Variants in FCHO1 observed in about 807,000 individuals in gnomAD.
FCHO1 encodes the protein FCH and mu domain containing endocytic adaptor 1.
Under a neutral mutation model 114.4 loss-of-function variants are expected in FCHO1, and 45 were observed. That is an observed-to-expected ratio of 0.39 (90% CI 0.31 to 0.50). FCHO1 has a LOEUF of 0.50. Among genes scored for constraint, FCHO1 ranks in the 20% least tolerant of loss-of-function variants. The probability of loss-of-function intolerance (pLI) is 0.77; values close to 1 mark genes in which losing one functional copy is unlikely to be tolerated. For synonymous variants in FCHO1, 480 were observed against 488.9 expected (o/e 0.98, Z 0.24); for missense variants, 1,042 against 1,209.6 (o/e 0.86, Z 2.06).
At chr19:17,778,389 A>G in intron 19 of FCHO1, 161 bp downstream of exon 19, 2 of 750,694 alleles carry the variant, frequency 2.7e-6, no homozygotes, top group Non-Finnish European at 4.4e-6. Flanking sequence ...GAGGGGCCAT[A>G]GATAGGGTGG....
chr19:17,754,270 GGGCTCCCC>G (rs1353354223), intron 1 of FCHO1, 39 bp from the exon 2 acceptor site: 4 of 152,314 alleles, frequency 2.6e-5, no homozygotes, highest in African/African-American at 9.7e-5. Context: ...GAGACACCTG[GGGCTCCCC>G]GGCAAGATCC....
intron 4 of FCHO1, 198 bp from the exon 5 acceptor site, chr19:17,762,564 T>C (rs944745658): frequency 1.7e-6 from 1 of 575,486 alleles, no homozygotes; most frequent in Admixed American, 2.9e-5. Context: ...AATCCCAGGC[T>C]TCTCTCTGAT....
intron 26 of FCHO1, 97 bp from the exon 27 acceptor site, chr19:17,786,477 T>G: frequency 2.4e-6 from 3 of 1,229,036 alleles, no homozygotes; most frequent in Non-Finnish European, 2.3e-6. Flanking sequence ...GGGAGAAGGT[T>G]TGTTGGGGTC....
rs192038426 is a variant in FCHO1, at chr19:17,788,340, C to T, written c.*34C>T. 162 of 1,585,520 alleles carry T rather than the reference C, an allele frequency of 1.0e-4. No homozygotes were observed. In the East Asian group the frequency reaches 2.4e-3, roughly 24 times the overall value. ...ATGCTGCTGCCCCAGCTCTACACTG[C>T]GCCCTGGTGCTGGCTGACCACCCCC... On this transcript the variant is annotated 3_prime_UTR_variant, in exon 29 of 29. Transcript: ENST00000596536.
intron 26 of FCHO1, 39 bp from the exon 27 acceptor site, chr19:17,786,533 CCT>C: frequency 1.2e-6 from 2 of 1,607,482 alleles, no homozygotes; most frequent in Non-Finnish European, 1.7e-6. Flanking sequence ...CTCTCAGCAT[CCT>C]CTCTGGGGAA....
rs147597811 is a variant in FCHO1, at chr19:17,764,457, G to T, written c.194+8G>T. On this transcript the variant is annotated splice_region_variant and intron_variant, in intron 6 of 28. Coordinates refer to ENST00000596536, the MANE Select transcript of FCHO1 (RefSeq NM_015122.3). ...CAACGGGACCCCCATGGGGTGAGTG[G>T]GGTAGGGGTCACCAACATGGGGACA... 1,085 of 1,602,738 alleles carry T rather than the reference G, an allele frequency of 6.8e-4. 6 individuals carry two copies. In the African/African-American group the frequency reaches 0.01, roughly 15 times the overall value.
At chr19:17,755,615 G>C (rs2083208893) in intron 4 of FCHO1, 1 of 162,144 alleles carries the variant, frequency 6.2e-6, no homozygotes, top group South Asian at 1.7e-4. Context: ...CCCCTCCACT[G>C]TCCAGGCTGG....
rs2092683053 is a variant in FCHO1, at chr19:17,776,757, T to G, written c.1259+71T>G. ...CCCTCCACCTCCCCATGTCTCCGCC[T>G]GGTGTTCTCTTGTCCCGGCTGGGAG... On this transcript the variant is annotated intron_variant, in intron 18 of 28. Coordinates refer to ENST00000596536, the MANE Select transcript of FCHO1 (RefSeq NM_015122.3). This position sits in a 1 kb window ranked among gnomAD's most constrained non-coding sequence, Gnocchi z 4.4. The G allele has an allele frequency of 1.9e-5, 26 of 1,396,806 alleles. No individual in the cohort carries two copies. The highest frequency in any genetic ancestry group is 2.6e-5 in the Non-Finnish European group (26 of 994,532). 86.5% of individuals were successfully genotyped at this position (1,396,806 alleles called of 1,614,324 possible). A position where few individuals can be genotyped will look rare whatever the true frequency, so the allele number is the denominator to read the frequency against.
At chr19:17,774,977 A>G in intron 13 of FCHO1, 79 bp from the exon 14 acceptor site, 1 of 1,517,778 alleles carries the variant, frequency 6.6e-7, no homozygotes. Context: ...CCCAGCTTCC[A>G]TGTCCAGTGT....
In FCHO1 at chr19:17,784,265, G is replaced by C. The variant is rs773229519; in HGVS notation, c.2226+30G>C. 18 of 1,570,100 alleles carry C rather than the reference G, an allele frequency of 1.1e-5. No homozygotes were observed. The highest frequency in any genetic ancestry group is 2.4e-5 in the East Asian group (1 of 42,224). ...GCCACCCGCATGGGGCCGGGAGGAGGTGGTGGAGTGGGGGACACGGTGAGC... is the reference window on the plus strand; with the variant it reads ...GCCACCCGCATGGGGCCGGGAGGAGCTGGTGGAGTGGGGGACACGGTGAGC... On this transcript the variant is annotated intron_variant, in intron 25 of 28. Transcript: ENST00000596536. The surrounding 1 kb of genome is among the most constrained non-coding windows in gnomAD (Gnocchi z 5.3).
intron 4 of FCHO1, among the ~76,000 whole-genome samples, chr19:17,760,938 C>T (rs537344837): frequency 1.1e-4 from 17 of 152,186 alleles, no homozygotes; most frequent in Admixed American, 2.0e-4. Flanking sequence ...GGTGAGCCAC[C>T]GCGCCTAACC....
chr19:17,769,425 G>A (rs59794054), intron 7 of FCHO1, among the ~76,000 whole-genome samples: 67,464 of 150,430 alleles, frequency 0.45, 15,937 homozygotes, highest in East Asian at 0.7. Context: ...AAATACAAAA[G>A]AAAAATTAGC....
chr19:17,776,084 C>T lies in FCHO1; in HGVS notation c.1105C>T (p.Pro369Ser), dbSNP rs757826850. ...CATCAAGCCTGCCCCGGCCCGGGCT[C>T]CAGCCTGCAGCCCCGAGGCAGCAGC... is the stretch of plus-strand genomic sequence containing the variant. ...VHIKPAPARA[P>S]ACSPEAAAAQ... The change falls in exon 16 of 29, where the codon CCA (proline) becomes TCA (serine). Residue 369 changes from proline to serine, a missense_variant. Transcript: ENST00000596536. This position sits in a 1 kb window ranked among gnomAD's most constrained non-coding sequence, Gnocchi z 4.4. 1 of 1,612,200 alleles carries T rather than the reference C, an allele frequency of 6.2e-7. No individual in the cohort carries two copies. Among genetic ancestry groups the T allele is most frequent in the South Asian group, 1.1e-5 (1 of 91,076 alleles).
intron 4 of FCHO1, among the ~76,000 whole-genome samples, chr19:17,756,926 T>A (rs979894603): frequency 6.6e-6 from 1 of 152,204 alleles, no homozygotes; most frequent in East Asian, 1.9e-4. Context: ...CAGTGGCTCA[T>A]GCCTGTAATC....
intron 27 of FCHO1, among the ~76,000 whole-genome samples, chr19:17,786,962 G>A (rs1018059735): frequency 4.0e-5 from 6 of 151,798 alleles, no homozygotes; most frequent in African/African-American, 9.7e-5. Flanking sequence ...GGTGGCTCAC[G>A]CCTGTAATCC....
intron 1 of FCHO1, chr19:17,754,112 G>C (rs1184964808): frequency 6.6e-6 from 1 of 152,298 alleles, no homozygotes; most frequent in Non-Finnish European, 1.5e-5. Flanking sequence ...CTGTTCCTAC[G>C]AGGCTCCCAG....
intron 23 of FCHO1, among the ~76,000 whole-genome samples, chr19:17,782,263 C>T (rs899506260): frequency 2.6e-5 from 4 of 152,076 alleles, no homozygotes; most frequent in African/African-American, 7.2e-5. Context: ...AGTGTAGTGG[C>T]GTGATCTCAG....
rs1295750466 is a variant in FCHO1 at position 17,784,727 on chromosome 19, C to T, written c.2229C>T (p.Phe743=). Residue 743 remains phenylalanine, a splice_region_variant and synonymous_variant, in exon 26 of 29, where the codon TTC becomes TTT. Transcript: ENST00000596536. This position sits in a 1 kb window ranked among gnomAD's most constrained non-coding sequence, Gnocchi z 5.3. ...YYNVVLLRYQ[F]SRPGPQSVPL... Reference sequence around the variant, plus strand: ...TCTCTCATTCTCATTCTTCCTAGTTCTCCCGCCCGGGTCCCCAGTCTGTGC... The same window carrying T: ...TCTCTCATTCTCATTCTTCCTAGTTTTCCCGCCCGGGTCCCCAGTCTGTGC... 5.0e-6 allele frequency: 8 copies of T among 1,613,958 alleles called. No homozygotes were observed. Among genetic ancestry groups the T allele is most frequent in the Non-Finnish European group, 6.8e-6 (8 of 1,179,994 alleles).
chr19:17,763,524 A>G (rs1244516583), intron 5 of FCHO1, among the ~76,000 whole-genome samples: 4 of 151,120 alleles, frequency 2.6e-5, no homozygotes, highest in Non-Finnish European at 4.4e-5. Flanking sequence ...TCAGCCTCCA[A>G]AAGTGGTGGA....
Sources: allele counts gnomAD v4.1 joint callset (sites outside exome capture counted in the v4.1 genomes callset), GRCh38; gene constraint gnomAD v4.1.1; non-coding constraint Gnocchi (gnomAD v3.1); transcripts MANE v1.5; gene names NCBI Gene and HGNC (gene_info 2026-07-23, HGNC 2026-07-21).